Variants in PLA2G4A observed in about 807,000 individuals in gnomAD.
PLA2G4A encodes the protein phospholipase A2 group IVA.
In PLA2G4A, 40 loss-of-function variants were observed where a neutral mutation model predicts 81.9. That is an observed-to-expected ratio of 0.49 (90% CI 0.38 to 0.64). The LOEUF is 0.64. Among genes scored for constraint, PLA2G4A ranks in the 30% least tolerant of loss-of-function variants. PLA2G4A has a pLI of 0.00. For synonymous variants in PLA2G4A, 302 were observed against 296.9 expected, an observed-to-expected ratio of 1.02 and a Z score of -0.18; for missense variants, 715 against 905.1, an observed-to-expected ratio of 0.79 and a Z score of 2.69.
intron 3 of PLA2G4A, among the ~76,000 whole-genome samples, chr1:186,884,534 T>C (rs1450448396): frequency 6.6e-6 from 1 of 151,988 alleles, no homozygotes; most frequent in African/African-American, 2.4e-5. Flanking sequence ...TCTAGAGGAA[T>C]GAAAAGCTGA....
At chr1:186,949,129 T>C (rs1325389835) in intron 12 of PLA2G4A, among the ~76,000 whole-genome samples, 1 of 152,154 alleles carries the variant, frequency 6.6e-6, no homozygotes, top group Non-Finnish European at 1.5e-5. Context: ...AGTTGTACAT[T>C]ATACTAGGAT....
At chr1:186,901,048 T>C (rs1477031511) in intron 5 of PLA2G4A, among the ~76,000 whole-genome samples, 1 of 152,186 alleles carries the variant, frequency 6.6e-6, no homozygotes, top group East Asian at 1.9e-4. Context: ...CTCAGGATGA[T>C]GTCATTGGAA....
chr1:186,915,881 A>G (rs1014857557), intron 7 of PLA2G4A, among the ~76,000 whole-genome samples: 2 of 152,074 alleles, frequency 1.3e-5, no homozygotes, highest in Admixed American at 6.5e-5. Flanking sequence ...GCTATGCAAT[A>G]TTGTCCAGTA....
intron 8 of PLA2G4A, among the ~76,000 whole-genome samples, chr1:186,936,740 G>A (rs974891659): frequency 6.6e-6 from 1 of 151,670 alleles, no homozygotes; most frequent in African/African-American, 2.4e-5. Flanking sequence ...CTTCCTCTCT[G>A]GCATGATTTA....
chr1:186,904,548 T>C (rs1315207148), intron 5 of PLA2G4A, among the ~76,000 whole-genome samples: 2 of 152,236 alleles, frequency 1.3e-5, no homozygotes, highest in African/African-American at 4.8e-5. Flanking sequence ...TTAAATTTCC[T>C]CCTGGTTGTG....
At chr1:186,982,686 T>TGC (rs1201640588) in intron 17 of PLA2G4A, among the ~76,000 whole-genome samples, 3 of 59,406 alleles carry the variant, frequency 5.0e-5, no homozygotes, top group African/African-American at 1.1e-4. Context: ...TGTGTGTGCG[T>TGC]GTGTGTGTGT....
chr1:186,927,138 C>T (rs1388654561), intron 7 of PLA2G4A, among the ~76,000 whole-genome samples: 1 of 152,170 alleles, frequency 6.6e-6, no homozygotes, highest in African/African-American at 2.4e-5. Flanking sequence ...AGGCCTGCTT[C>T]CTTTGCATTC....
In PLA2G4A at chr1:186,949,405, A is replaced by AAAAAAGAC. The variant is rs1414680932; in HGVS notation, c.1265-1251_1265-1250insAAAAGACA. Reference sequence around the variant, plus strand: ...AAAGAAAGAAAAAAGAAAAAGAAAGAAGAAAGAAAGAAAGGCAATAGAAAG... The same window carrying AAAAAAGAC: ...AAAGAAAGAAAAAAGAAAAAGAAAGAAAAAAGACAGAAAGAAAGAAAGGCAATAGAAAG... On this transcript the variant is annotated intron_variant, in intron 12 of 17. Coordinates refer to ENST00000367466, the MANE Select transcript of PLA2G4A (RefSeq NM_024420.3). 9.1e-3 allele frequency among the ~76,000 whole-genome samples: 4 copies of AAAAAAGAC among 438 alleles called. No individual in the cohort carries two copies. In the African/African-American group the frequency reaches 0.17, roughly 18 times the overall value. 0.3% of individuals were successfully genotyped at this position (438 alleles called of 152,430 possible).
intron 14 of PLA2G4A, among the ~76,000 whole-genome samples, chr1:186,957,066 C>T (rs1461750978): frequency 2.0e-5 from 3 of 151,758 alleles, no homozygotes; most frequent in Non-Finnish European, 2.9e-5. Context: ...GCACAATAAT[C>T]GCTTGAACCT....
chr1:186,865,125 A>C (rs1428123541), intron 2 of PLA2G4A, among the ~76,000 whole-genome samples: 1 of 149,568 alleles, frequency 6.7e-6, no homozygotes, highest in African/African-American at 2.4e-5. Flanking sequence ...TATATTGCCA[A>C]ACTTAATGTA....
chr1:186,867,074 T>A (rs998903015), intron 2 of PLA2G4A, among the ~76,000 whole-genome samples: 1 of 152,184 alleles, frequency 6.6e-6, no homozygotes, highest in Non-Finnish European at 1.5e-5. Context: ...GTATTTTTTT[T>A]ATTGCCAGTA....
At position 186,977,741 on chromosome 1, in the gene PLA2G4A, T is replaced by C; in HGVS notation, c.1913T>C (p.Ile638Thr). The C allele has an allele frequency of 1.9e-6, 3 of 1,613,846 alleles. No individual in the cohort carries two copies. The highest frequency in any genetic ancestry group is 2.5e-6 in the Non-Finnish European group (3 of 1,179,774). ...PDMEKDCPTI[I>T]HFVLANINFR... Reference sequence around the variant, plus strand: ...ATGGAGAAAGATTGCCCAACCATCATCCACTTTGTTCTGGCCAACATCAAC... The same window carrying C: ...ATGGAGAAAGATTGCCCAACCATCACCCACTTTGTTCTGGCCAACATCAAC... Residue 638 changes from isoleucine to threonine, a missense_variant, in exon 16 of 18, where the codon ATC (isoleucine) becomes ACC (threonine). Coordinates refer to ENST00000367466, the MANE Select transcript of PLA2G4A (RefSeq NM_024420.3).
intron 2 of PLA2G4A, among the ~76,000 whole-genome samples, chr1:186,861,651 A>G (rs1652807621): frequency 6.6e-6 from 1 of 152,062 alleles, no homozygotes; most frequent in Non-Finnish European, 1.5e-5. Flanking sequence ...TAATCATCCT[A>G]TTTTATAGGA....
intron 2 of PLA2G4A, among the ~76,000 whole-genome samples, chr1:186,866,863 A>T (rs10752979): frequency 6.6e-6 from 1 of 152,000 alleles, no homozygotes; most frequent in African/African-American, 2.4e-5. Context: ...GCATTTTCTC[A>T]TTGTATTTCA....
At chr1:186,880,458 A>C (rs1653686284) in intron 3 of PLA2G4A, among the ~76,000 whole-genome samples, 1 of 151,944 alleles carries the variant, frequency 6.6e-6, no homozygotes, top group Non-Finnish European at 1.5e-5. Context: ...AAACTGGGAA[A>C]CAATTTTGCC....
intron 7 of PLA2G4A, among the ~76,000 whole-genome samples, chr1:186,914,971 A>G (rs1333149183): frequency 6.6e-6 from 1 of 152,218 alleles, no homozygotes; most frequent in Non-Finnish European, 1.5e-5. Context: ...GAACTAAAGT[A>G]GCGATGAAGC....
chr1:186,897,467 GA>G (rs1406446104), intron 5 of PLA2G4A, among the ~76,000 whole-genome samples: 7 of 151,878 alleles, frequency 4.6e-5, no homozygotes, highest in Admixed American at 6.6e-5. Context: ...CTATGACCTA[GA>G]AAGAATACTT....
intron 17 of PLA2G4A, among the ~76,000 whole-genome samples, chr1:186,985,621 G>A (rs1181721458): frequency 6.6e-6 from 1 of 152,120 alleles, no homozygotes; most frequent in East Asian, 1.9e-4. Flanking sequence ...TTCTTATGTG[G>A]AAGGGGGATC....
intron 3 of PLA2G4A, among the ~76,000 whole-genome samples, 200 bp from the exon 4 acceptor site, chr1:186,892,811 C>T (rs570416312): frequency 2.0e-5 from 3 of 152,296 alleles, no homozygotes; most frequent in South Asian, 4.1e-4. Context: ...TCTCACAGGA[C>T]TATTATGAAG....
Sources: gnomAD v4.1 joint callset for allele counts (sites outside exome capture counted in the v4.1 genomes callset) on GRCh38, gnomAD v4.1.1 for gene constraint, MANE v1.5 for transcripts, NCBI Gene and HGNC (gene_info 2026-07-23, HGNC 2026-07-21) for gene names.